Variants in PDE4D observed in about 807,000 individuals in gnomAD.
PDE4D encodes the protein 3',5'-cyclic-AMP phosphodiesterase 4D.
Under a neutral mutation model 87.4 loss-of-function variants are expected in PDE4D, and 24 were observed. That is an observed-to-expected ratio of 0.27 (90% CI 0.20 to 0.39). The LOEUF is 0.39. PDE4D is among the 10% of genes least tolerant of loss of function. The pLI, the probability that PDE4D is intolerant of heterozygous loss-of-function variation, is 1.00. For missense variants in PDE4D, 714 were observed against 1,041.0 expected (o/e 0.69, Z 4.32); for synonymous variants, 384 against 383.2 (o/e 1.00, Z -0.02).
At chr5:60,425,382 A>G (rs750706661) in intron 1 of PDE4D, among the ~76,000 whole-genome samples, 1 of 152,174 alleles carries the variant, frequency 6.6e-6, no homozygotes, top group African/African-American at 2.4e-5. Context: ...AACACCACAC[A>G]TCTACAACCA....
At chr5:59,901,923 A>AAC (rs59453461) in intron 3 of PDE4D, among the ~76,000 whole-genome samples, 2,288 of 134,244 alleles carry the variant, frequency 0.017, 36 homozygotes, top group Middle Eastern at 0.042. Context: ...CTTACATGCA[A>AAC]ACACACACAC....
chr5:59,719,685 T>C (rs1755549770), intron 1 of PDE4D, among the ~76,000 whole-genome samples: 2 of 152,202 alleles, frequency 1.3e-5, no homozygotes, highest in African/African-American at 4.8e-5. Context: ...ATTATTTAAG[T>C]AGAAGTTTTA....
chr5:59,787,270 C>A (rs1248049323), intron 1 of PDE4D, among the ~76,000 whole-genome samples: 2 of 152,198 alleles, frequency 1.3e-5, no homozygotes, highest in East Asian at 3.9e-4. Context: ...TCTCAGGGGA[C>A]TGGGGAGAAT....
At chr5:59,814,087 ATGGT>A (rs1768696086) in intron 1 of PDE4D, among the ~76,000 whole-genome samples, 1 of 152,196 alleles carries the variant, frequency 6.6e-6, no homozygotes, top group Non-Finnish European at 1.5e-5. Flanking sequence ...AGTTAGAGAT[ATGGT>A]TGGTGACACT....
intron 1 of PDE4D, among the ~76,000 whole-genome samples, chr5:60,266,157 A>T (rs959174920): frequency 3.3e-5 from 5 of 152,104 alleles, no homozygotes; most frequent in African/African-American, 1.2e-4. Context: ...CAGGCAGCCA[A>T]ATTTCTACCC....
chr5:59,781,437 C>A (rs1009565731), intron 1 of PDE4D, among the ~76,000 whole-genome samples: 4 of 151,978 alleles, frequency 2.6e-5, no homozygotes, highest in South Asian at 2.1e-4. Flanking sequence ...ACATGATGTA[C>A]AACTTTAATA....
chr5:59,870,603 C>T (rs1226264454), intron 1 of PDE4D, among the ~76,000 whole-genome samples: 3 of 152,188 alleles, frequency 2.0e-5, no homozygotes, highest in Non-Finnish European at 4.4e-5. Flanking sequence ...TAAGAAGGGA[C>T]TACTTACCTT....
At chr5:59,169,789 G>A (rs547659510) in intron 5 of PDE4D, among the ~76,000 whole-genome samples, 87 of 152,112 alleles carry the variant, frequency 5.7e-4, no homozygotes, top group Non-Finnish European at 4.9e-4. Context: ...TCCCAAATTT[G>A]GCCAATCAAG....
chr5:59,250,304 C>T (rs1190886945), intron 1 of PDE4D, among the ~76,000 whole-genome samples: 1 of 140,422 alleles, frequency 7.1e-6, no homozygotes, highest in African/African-American at 2.7e-5. Flanking sequence ...TAGGGAGACA[C>T]TGTCTCTACA....
chr5:59,865,437 C>A (rs551721523), intron 1 of PDE4D, among the ~76,000 whole-genome samples: 3 of 152,126 alleles, frequency 2.0e-5, no homozygotes, highest in Non-Finnish European at 4.4e-5. Flanking sequence ...AACAGAGGTG[C>A]CCCTTAGGTT....
At chr5:59,277,740 C>A (rs13328175) in intron 1 of PDE4D, among the ~76,000 whole-genome samples, 12,040 of 152,236 alleles carry the variant, frequency 0.079, 623 homozygotes, top group Middle Eastern at 0.12. Flanking sequence ...TCCCCCAGAT[C>A]CATGTTACAA....
At chr5:59,396,079 A>C (rs1253010727) in intron 1 of PDE4D, among the ~76,000 whole-genome samples, 1 of 120,412 alleles carries the variant, frequency 8.3e-6, no homozygotes, top group African/African-American at 3.3e-5. Flanking sequence ...ATATGGGACT[A>C]TGTGAATAGA....
intron 1 of PDE4D, among the ~76,000 whole-genome samples, chr5:59,501,871 T>C (rs1808347313): frequency 6.6e-6 from 1 of 152,178 alleles, no homozygotes; most frequent in African/African-American, 2.4e-5. Context: ...TAGTAGAATG[T>C]CTAAATTTAA....
chr5:60,095,400 A>G (rs1338177315), intron 2 of PDE4D, among the ~76,000 whole-genome samples: 1 of 152,194 alleles, frequency 6.6e-6, no homozygotes, highest in East Asian at 1.9e-4. Context: ...TTATGGATGC[A>G]TAGTATTCTA....
At chr5:59,925,928 A>T (rs1265197599) in intron 3 of PDE4D, among the ~76,000 whole-genome samples, 6 of 152,176 alleles carry the variant, frequency 3.9e-5, no homozygotes, top group Admixed American at 3.9e-4. Context: ...TGGAGAGTTC[A>T]ACACTCCACT....
At chr5:60,294,728 T>C (rs1291247823) in intron 1 of PDE4D, among the ~76,000 whole-genome samples, 2 of 152,102 alleles carry the variant, frequency 1.3e-5, no homozygotes, top group African/African-American at 4.8e-5. Flanking sequence ...TCTATCCTTA[T>C]GTCAAAACCT....
intron 1 of PDE4D, among the ~76,000 whole-genome samples, chr5:59,295,364 T>C (rs1768855697): frequency 6.6e-6 from 1 of 152,204 alleles, no homozygotes; most frequent in Non-Finnish European, 1.5e-5. Flanking sequence ...TGGTGTTAAC[T>C]GAGGCCTTTG....
chr5:60,207,025 CA>C (rs1467864255), intron 1 of PDE4D, among the ~76,000 whole-genome samples: 1 of 151,996 alleles, frequency 6.6e-6, no homozygotes, highest in East Asian at 1.9e-4. Flanking sequence ...GACATGAAAA[CA>C]AAGTGTGTAA....
At chr5:59,854,149 C>G (rs966941650) in intron 1 of PDE4D, among the ~76,000 whole-genome samples, 1 of 151,998 alleles carries the variant, frequency 6.6e-6, no homozygotes, top group Non-Finnish European at 1.5e-5. Flanking sequence ...GAAAGCAGAT[C>G]CTTTTCTCCT....
Sources: allele counts gnomAD v4.1 joint callset (sites outside exome capture counted in the v4.1 genomes callset), GRCh38; gene constraint gnomAD v4.1.1; transcripts MANE v1.5; gene names NCBI Gene and HGNC (gene_info 2026-07-23, HGNC 2026-07-21).